STK39: variants seen among roughly 807,000 people sequenced by gnomAD.
The protein encoded by STK39 is serine/threonine kinase 39.
In STK39, 20 loss-of-function variants were observed where a neutral mutation model predicts 77.8. That is an observed-to-expected ratio of 0.26 (90% CI 0.18 to 0.37). The LOEUF (loss-of-function observed/expected upper bound fraction) is 0.37, where lower values mean the gene tolerates loss of function less well. Ranked by LOEUF, STK39 falls within the 10% of genes least tolerant of loss-of-function variation. The pLI, the probability that STK39 is intolerant of heterozygous loss-of-function variation, is 1.00. For synonymous variants in STK39, 246 were observed against 234.1 expected, an observed-to-expected ratio of 1.05 and a Z score of -0.47; for missense variants, 479 against 656.5, an observed-to-expected ratio of 0.73 and a Z score of 2.95.
chr2:168,074,707 C>A (rs141168628), intron 12 of STK39, among the ~76,000 whole-genome samples: 13 of 152,250 alleles, frequency 8.5e-5, no homozygotes, highest in African/African-American at 2.9e-4. Context: ...GTTTTGTGTA[C>A]GGGATTTTGC....
At chr2:168,138,904 A>T (rs1449135484) in intron 7 of STK39, among the ~76,000 whole-genome samples, 2 of 152,186 alleles carry the variant, frequency 1.3e-5, no homozygotes, top group African/African-American at 2.4e-5. Context: ...ACTCTTTCAT[A>T]CTAACTTCAA....
chr2:168,185,649 T>C (rs1476887239), intron 1 of STK39, among the ~76,000 whole-genome samples: 2 of 152,250 alleles, frequency 1.3e-5, no homozygotes, highest in Non-Finnish European at 2.9e-5. Flanking sequence ...CTAAGGTCTA[T>C]GTGAAATTAA....
In STK39 at chr2:167,964,141, T is replaced by C. The variant is rs566074264; in HGVS notation, c.1563+521A>G. 9.2e-4 allele frequency among the ~76,000 whole-genome samples: 140 copies of C among 152,322 alleles called. 1 individual carries two copies. In the Middle Eastern group the frequency reaches 0.01, roughly 11 times the overall value. On this transcript the variant is annotated intron_variant, in intron 17 of 17. Transcript: ENST00000355999. ...GCAGAATAACTGTTGAAATATCTCC[T>C]TTCTACAAAAATCTGTTACTGTTGA...
intron 16 of STK39, among the ~76,000 whole-genome samples, chr2:167,966,253 C>A (rs983321334): frequency 4.6e-5 from 7 of 152,152 alleles, no homozygotes; most frequent in Non-Finnish European, 1.0e-4. Flanking sequence ...ACACTAAAAT[C>A]ATCAAGTCAT....
At chr2:168,070,435 C>T (rs1181893292) in intron 12 of STK39, among the ~76,000 whole-genome samples, 1 of 149,978 alleles carries the variant, frequency 6.7e-6, no homozygotes, top group African/African-American at 2.5e-5. Context: ...ACTAATACTT[C>T]GATATTTCTT....
At chr2:168,092,392 A>T (rs1686547830) in intron 10 of STK39, among the ~76,000 whole-genome samples, 1 of 152,240 alleles carries the variant, frequency 6.6e-6, no homozygotes, top group South Asian at 2.1e-4. Context: ...AATTCATTTC[A>T]TACTAACAGA....
At chr2:168,163,507 C>CT (rs1688626712) in intron 4 of STK39, 1 of 782,992 alleles carries the variant, frequency 1.3e-6, no homozygotes, top group Admixed American at 6.3e-5. Context: ...TTCTTAAGTA[C>CT]TTTTTTCCCA....
chr2:168,033,727 T>G (rs1684883208), intron 14 of STK39, among the ~76,000 whole-genome samples: 1 of 152,224 alleles, frequency 6.6e-6, no homozygotes, highest in Non-Finnish European at 1.5e-5. Flanking sequence ...AGTACTTGGT[T>G]GCTTAGGCCG....
chr2:168,022,299 T>C (rs372807873), intron 14 of STK39, among the ~76,000 whole-genome samples: 151 of 152,362 alleles, frequency 9.9e-4, no homozygotes, highest in African/African-American at 3.5e-3. Context: ...AAAGGATATA[T>C]GCATTTGTAA....
chr2:167,976,776 T>C (rs572787175), intron 16 of STK39, among the ~76,000 whole-genome samples: 1 of 152,140 alleles, frequency 6.6e-6, no homozygotes, highest in Non-Finnish European at 1.5e-5. Flanking sequence ...TCCTCCAAAC[T>C]GTCTTTGAAA....
At chr2:168,022,465 C>T (rs949646648) in intron 14 of STK39, among the ~76,000 whole-genome samples, 1 of 152,128 alleles carries the variant, frequency 6.6e-6, no homozygotes, top group African/African-American at 2.4e-5. Context: ...AGCTTCTTCC[C>T]CATCTAAAGG....
Position 168,000,689 on chromosome 2 carries a change from C to A in STK39, c.1498+11945G>T, listed in dbSNP as rs146570168. On this transcript the variant is annotated intron_variant, in intron 16 of 17. Coordinates refer to ENST00000355999, the MANE Select transcript of STK39 (RefSeq NM_013233.3). ...CAGATGTCCTTTCTTGTCCTTCTGACCCTACATATCGCAGAAAGACAAGAA... is the reference window on the plus strand; with the variant it reads ...CAGATGTCCTTTCTTGTCCTTCTGAACCTACATATCGCAGAAAGACAAGAA... Among the ~76,000 whole-genome samples the A allele has an allele frequency of 2.1e-3, 319 of 152,276 alleles. 1 individual carries two copies. The highest frequency in any genetic ancestry group is 6.9e-3 in the African/African-American group (288 of 41,558).
chr2:168,209,627 C>A (rs1245225432), intron 1 of STK39, among the ~76,000 whole-genome samples: 2 of 152,094 alleles, frequency 1.3e-5, no homozygotes, highest in Non-Finnish European at 2.9e-5. Flanking sequence ...TTGGAGTGAG[C>A]CGAGATCGCA....
At position 168,247,525 on chromosome 2, in the gene STK39, C is replaced by T. The variant is rs2105292533; in HGVS notation, c.-90G>A. The T allele has an allele frequency of 9.9e-7, 1 of 1,007,310 alleles. No individual in the cohort carries two copies. Among genetic ancestry groups the T allele is most frequent in the Non-Finnish European group, 1.2e-6 (1 of 820,868 alleles). 62.4% of individuals were successfully genotyped at this position (1,007,310 alleles called of 1,614,324 possible). On this transcript the variant is annotated 5_prime_UTR_variant, in exon 1 of 18. Transcript: ENST00000355999. The stretch of plus-strand genomic sequence containing the variant: ...TTGCCTCGCCGCCGACACCTCTCGG[C>T]CGGCGCACGCCCTCCCCGCCCGCCG...
At position 168,012,768 on chromosome 2, in the gene STK39, G is replaced by A. The variant is rs1389415645; in HGVS notation, c.1430-66C>T. 8.2e-6 allele frequency: 11 copies of A among 1,336,462 alleles called. No individual in the cohort carries two copies. The East Asian group carries it at 2.5e-4, about 31-fold the overall frequency. 82.8% of individuals were successfully genotyped at this position (1,336,462 alleles called of 1,614,324 possible). A position where few individuals can be genotyped will look rare whatever the true frequency, so the allele number is the denominator to read the frequency against. ...ATAAAAATCAACAACCCAGTACAAT[G>A]TAAAATATATATTTTTCATTTACTA... On this transcript the variant is annotated intron_variant, in intron 15 of 17. Coordinates refer to ENST00000355999, the MANE Select transcript of STK39 (RefSeq NM_013233.3).
intron 10 of STK39, among the ~76,000 whole-genome samples, chr2:168,083,006 G>A (rs1184481975): frequency 2.0e-5 from 3 of 152,116 alleles, no homozygotes; most frequent in Admixed American, 2.0e-4. Flanking sequence ...CTCAAAACAT[G>A]ACAGGTGCTA....
chr2:168,027,453 A>G (rs1034681022), intron 14 of STK39, among the ~76,000 whole-genome samples: 8 of 152,194 alleles, frequency 5.3e-5, no homozygotes, highest in African/African-American at 1.7e-4. Flanking sequence ...AGCATCTGGA[A>G]TTCTAGTCTG....
At chr2:168,152,323 T>C (rs991951262) in intron 5 of STK39, among the ~76,000 whole-genome samples, 2 of 152,232 alleles carry the variant, frequency 1.3e-5, no homozygotes, top group Non-Finnish European at 2.9e-5. Flanking sequence ...TACTCTCCTC[T>C]CTACACCCAA....
At chr2:168,121,347 T>C (rs184334835) in intron 10 of STK39, among the ~76,000 whole-genome samples, 15 of 152,338 alleles carry the variant, frequency 9.8e-5, no homozygotes, top group Admixed American at 2.0e-4. Flanking sequence ...ATGAAAGTGA[T>C]CTGAAAGCTG....
Sources: gnomAD v4.1 joint callset for allele counts (sites outside exome capture counted in the v4.1 genomes callset) on GRCh38, gnomAD v4.1.1 for gene constraint, MANE v1.5 for transcripts, NCBI Gene and HGNC (gene_info 2026-07-23, HGNC 2026-07-21) for gene names.